NDUFS1: variants seen among roughly 807,000 people sequenced by gnomAD.
NDUFS1 encodes NADH-ubiquinone oxidoreductase 75 kDa subunit, mitochondrial.
A neutral mutation model predicts 84.4 loss-of-function variants in NDUFS1; 61 were observed. That is an observed-to-expected ratio of 0.72 (90% confidence interval 0.59 to 0.89). NDUFS1 has a LOEUF of 0.89. Ranked by LOEUF, NDUFS1 falls within the 40% of genes least tolerant of loss-of-function variation. The pLI is 0.00. For synonymous variants in NDUFS1, 275 were observed against 290.0 expected, an observed-to-expected ratio of 0.95 and a Z score of 0.53; for missense variants, 891 against 890.0, an observed-to-expected ratio of 1.00 and a Z score of -0.01.
Position 206,119,819 on chromosome 2 carries a change from C to T in NDUFS1, c.*4366G>A. 1 of 149,204 alleles carries T rather than the reference C, an allele frequency of 6.7e-6. No individual in the cohort carries two copies. Among genetic ancestry groups the T allele is most frequent in the South Asian group, 2.1e-4 (1 of 4,678 alleles). 9.2% of individuals were successfully genotyped at this position (149,204 alleles called of 1,614,324 possible). ...AAGATATTTTTGGATATATATTCAA[C>T]TTTTTTTTTTAAGAGTTGGGGGTCT... On this transcript the variant is annotated 3_prime_UTR_variant, in exon 19 of 19. Coordinates refer to ENST00000233190, the MANE Select transcript of NDUFS1 (RefSeq NM_005006.7).
At chr2:206,143,967 G>C (rs745640212) in intron 10 of NDUFS1, 51 bp downstream of exon 10, 1 of 1,440,930 alleles carries the variant, frequency 6.9e-7, no homozygotes, top group Non-Finnish European at 9.8e-7. Context: ...TGGCAAAGAT[G>C]TTTCTTGATA....
Position 206,142,617 on chromosome 2 carries a change from C to T in NDUFS1, c.1133+69G>A, listed in dbSNP as rs774720223. On this transcript the variant is annotated intron_variant, in intron 11 of 18. Transcript: ENST00000233190. ...GGATATGTTGGAGAATCCAGGTTGT[C>T]ACATTTTATACATAACTTGTAACTA... 5.1e-5 allele frequency: 81 copies of T among 1,586,080 alleles called. 1 individual carries two copies. The highest frequency in any genetic ancestry group is 7.0e-5 in the Non-Finnish European group (81 of 1,158,242).
chr2:206,148,622 C>T (rs1692251049), intron 5 of NDUFS1, among the ~76,000 whole-genome samples: 3 of 151,948 alleles, frequency 2.0e-5, no homozygotes, highest in African/African-American at 7.2e-5. Flanking sequence ...GACCTCGTTT[C>T]AAAAAATAAA....
At position 206,149,929 on chromosome 2, in the gene NDUFS1, GAAGTAAA is replaced by G. The variant is rs1692303477; in HGVS notation, c.154-11_154-5del. Reference sequence around the variant, plus strand: ...GCATGCCAACCTTCTCACAAGCCTAGAAGTAAAAAAAAAAAAAAAAAAAAAAAAAGCA... The same window carrying G: ...GCATGCCAACCTTCTCACAAGCCTAGAAAAAAAAAAAAAAAAAAAAAAGCA... On this transcript the variant is annotated splice_polypyrimidine_tract_variant and splice_region_variant and intron_variant, in intron 3 of 18. Transcript: ENST00000233190. The G allele has an allele frequency of 5.9e-6, 2 of 336,904 alleles. No individual in the cohort carries two copies. The highest frequency in any genetic ancestry group is 1.0e-5 in the Non-Finnish European group (2 of 191,906). 20.9% of individuals were successfully genotyped at this position (336,904 alleles called of 1,614,324 possible).
rs1691193766 is a variant in NDUFS1 at position 206,124,216 on chromosome 2, G to A, written c.2153C>T (p.Ala718Val). 2.5e-6 allele frequency: 4 copies of A among 1,613,068 alleles called. No individual in the cohort carries two copies. Among genetic ancestry groups the A allele is most frequent in the Non-Finnish European group, 3.4e-6 (4 of 1,179,212 alleles). Reference protein sequence around the residue: ...AKCVKAVTEGAQAVEEPSIC With the variant: ...AKCVKAVTEGVQAVEEPSIC ...TATGGATGGTTCCTCTACTGCCTGG[G>A]CACCCTCTGTGACAGCTTTGACACA... Residue 718 changes from alanine (A) to valine (V), a missense_variant, in exon 19 of 19, where the codon GCC becomes GTC. Transcript: ENST00000233190.
At chr2:206,134,842 T>C (rs1376353756) in intron 13 of NDUFS1, among the ~76,000 whole-genome samples, 1 of 151,900 alleles carries the variant, frequency 6.6e-6, no homozygotes, top group Non-Finnish European at 1.5e-5. Flanking sequence ...CTGGGCATGG[T>C]GGTGTATGCC....
chr2:206,147,725 A>G (rs1361066079), intron 6 of NDUFS1, 28 bp downstream of exon 6: 10 of 1,613,922 alleles, frequency 6.2e-6, no homozygotes, highest in Admixed American at 1.7e-5. Flanking sequence ...GAGACAACCA[A>G]AAAGATTGAC....
At chr2:206,142,592 G>A (rs769004242) in intron 11 of NDUFS1, 94 bp downstream of exon 11, 12 of 1,461,686 alleles carry the variant, frequency 8.2e-6, no homozygotes, top group Non-Finnish European at 1.1e-5. Flanking sequence ...ATAAACTGGG[G>A]GATATGTTGG....
At chr2:206,126,341 C>T (rs1163021406) in intron 18 of NDUFS1, among the ~76,000 whole-genome samples, 198 bp downstream of exon 18, 2 of 152,150 alleles carry the variant, frequency 1.3e-5, no homozygotes, top group Non-Finnish European at 2.9e-5. Context: ...GATTTTCAAA[C>T]TTTGCTTACA....
At chr2:206,139,031 G>A (rs140700570) in intron 12 of NDUFS1, among the ~76,000 whole-genome samples, 138 of 151,706 alleles carry the variant, frequency 9.1e-4, no homozygotes, top group African/African-American at 3.1e-3. Context: ...CAGGAGAATC[G>A]CTTGAACCCA....
At chr2:206,135,026 T>G (rs1307649918) in intron 13 of NDUFS1, among the ~76,000 whole-genome samples, 2 of 149,220 alleles carry the variant, frequency 1.3e-5, no homozygotes, top group South Asian at 4.2e-4. Flanking sequence ...AGAGTTGTTT[T>G]TTTTTCTTTT....
chr2:206,117,349 T>C lies in NDUFS1; in HGVS notation c.*6836A>G, dbSNP rs1180750187. 1 of 152,282 alleles carries C rather than the reference T, an allele frequency of 6.6e-6. No homozygotes were observed. Among genetic ancestry groups the C allele is most frequent in the Non-Finnish European group, 1.5e-5 (1 of 68,050 alleles). The allele number at this position is 152,282 out of a possible 1,614,324, so 9.4% of individuals were successfully genotyped here. On this transcript the variant is annotated 3_prime_UTR_variant, in exon 19 of 19. Transcript: ENST00000233190. ...CTACATATCTCTTTTAGTATACTGT[T>C]AGCTTCTTGAGGACATTAGCTAAAT...
Position 206,149,096 on chromosome 2 carries a change from C to T in NDUFS1, c.262G>A (p.Val88Ile). ...ACTGGCATGGCACAAGCAGCTACAA[C>T]CTGGGATTTCAATGAAAAAAAAAAA... ...CLVEIEKAPK[V>I]VAACAMPVMK... Residue 88 changes from valine (V) to isoleucine (I), a missense_variant and splice_region_variant, in exon 5 of 19, where the codon GTT becomes ATT. Val to Ile is a conservative substitution (Grantham distance 29). Transcript: ENST00000233190. The T allele has an allele frequency of 6.2e-7, 1 of 1,610,104 alleles. No homozygotes were observed. The highest frequency in any genetic ancestry group is 8.5e-7 in the Non-Finnish European group (1 of 1,178,008).
chr2:206,126,977 C>A, intron 16 of NDUFS1, 133 bp from the exon 17 acceptor site: 1 of 1,092,770 alleles, frequency 9.2e-7, no homozygotes, highest in South Asian at 1.4e-5. Flanking sequence ...AGTAGACATA[C>A]ATTTATGAAG....
At chr2:206,153,384 T>C (rs1053610152) in intron 2 of NDUFS1, among the ~76,000 whole-genome samples, 1 of 151,942 alleles carries the variant, frequency 6.6e-6, no homozygotes, top group African/African-American at 2.4e-5. Flanking sequence ...TTAGTAGTGA[T>C]GGGGTTTCAC....
In NDUFS1 at chr2:206,127,813, A is replaced by AT; in HGVS notation, c.1867dup (p.Ile623AsnfsTer6). 1 of 1,614,006 alleles carries AT rather than the reference A, an allele frequency of 6.2e-7. No individual in the cohort carries two copies. The highest frequency in any genetic ancestry group is 8.5e-7 in the Non-Finnish European group (1 of 1,179,990). ...AAATTATACCTCAGAGAGTGCTCTTATAATTTTCCAGTCTTCTCTTGCCAA... is the reference window on the plus strand; with the variant it reads ...AAATTATACCTCAGAGAGTGCTCTTATTAATTTTCCAGTCTTCTCTTGCCAA... On this transcript the variant is annotated frameshift_variant, in exon 16 of 19. Coordinates refer to ENST00000233190, the MANE Select transcript of NDUFS1 (RefSeq NM_005006.7). LOFTEE classifies it high-confidence loss of function.
intron 2 of NDUFS1, among the ~76,000 whole-genome samples, chr2:206,152,766 G>A (rs537004070): frequency 3.4e-5 from 5 of 145,548 alleles, no homozygotes; most frequent in East Asian, 2.1e-4. Flanking sequence ...GTGCAGTGGC[G>A]CCATCTTGGC....
At chr2:206,143,983 AAACACTATTT>A (rs746312135) in intron 10 of NDUFS1, 25 bp downstream of exon 10, 1 of 1,515,708 alleles carries the variant, frequency 6.6e-7, no homozygotes, top group Non-Finnish European at 9.2e-7. Flanking sequence ...TGATAATCAC[AAACACTATTT>A]AACACTATTT....
At chr2:206,143,946 C>CT in intron 10 of NDUFS1, 72 bp downstream of exon 10, 1 of 1,174,570 alleles carries the variant, frequency 8.5e-7, no homozygotes, top group Non-Finnish European at 1.2e-6. Context: ...AAATATACAT[C>CT]CCCCCCTTCA....
Sources: allele counts gnomAD v4.1 joint callset (sites outside exome capture counted in the v4.1 genomes callset), GRCh38; gene constraint gnomAD v4.1.1; transcripts MANE v1.5; gene names NCBI Gene and HGNC (gene_info 2026-07-23, HGNC 2026-07-21).